Variants in JPH1 observed in about 807,000 individuals in gnomAD.
The protein encoded by JPH1 is junctophilin-1.
JPH1 carries 12 observed loss-of-function variants against 53.6 expected under a neutral mutation model. That is an observed-to-expected ratio of 0.22 (90% CI 0.14 to 0.36). The LOEUF (loss-of-function observed/expected upper bound fraction) is 0.36. Ranked by LOEUF, JPH1 falls within the 10% of genes least tolerant of loss-of-function variation. The probability of loss-of-function intolerance (pLI) is 1.00; values close to 1 mark genes in which losing one functional copy is unlikely to be tolerated. For missense variants in JPH1, 808 were observed against 905.5 expected (o/e 0.89, Z 1.38); for synonymous variants, 375 against 363.8 (o/e 1.03, Z -0.35).
chr8:74,315,446 C>A lies in JPH1; in HGVS notation c.554G>T (p.Ser185Ile). ...VLHDAAAAAD[S>I]PAGTRGGFVL... ...GAAACCGCCGCGGGTGCCGGCCGGG[C>A]TGTCGGCGGCGGCTGCGGCGTCGTG... is the stretch of plus-strand genomic sequence containing the variant. The change falls in exon 2 of 6, where the codon AGC becomes ATC. Residue 185 changes from serine to isoleucine, a missense_variant. Coordinates refer to ENST00000342232, the MANE Select transcript of JPH1 (RefSeq NM_020647.4). This position sits in a 1 kb window ranked among gnomAD's most constrained non-coding sequence, Gnocchi z 6.3. 6.2e-7 allele frequency: 1 copy of A among 1,609,628 alleles called. No homozygotes were observed. Among genetic ancestry groups the A allele is most frequent in the Non-Finnish European group, 8.5e-7 (1 of 1,178,508 alleles).
At chr8:74,301,110 T>C (rs16938859) in intron 2 of JPH1, among the ~76,000 whole-genome samples, 53,245 of 151,766 alleles carry the variant, frequency 0.35, 9,490 homozygotes, top group East Asian at 0.43. Flanking sequence ...AACCCACTAC[T>C]TGCAGTCCAT....
At chr8:74,313,795 T>A (rs199652180) in intron 2 of JPH1, among the ~76,000 whole-genome samples, 2 of 152,244 alleles carry the variant, frequency 1.3e-5, no homozygotes, top group African/African-American at 4.8e-5. Context: ...TAATATTCTA[T>A]GCTACATTTA....
intron 2 of JPH1, among the ~76,000 whole-genome samples, chr8:74,288,274 C>T (rs1450920620): frequency 6.6e-6 from 1 of 152,202 alleles, no homozygotes; most frequent in Non-Finnish European, 1.5e-5. Flanking sequence ...CCTCTGCCAC[C>T]CTCTGCAGCA....
chr8:74,269,261 T>C (rs987547037), intron 2 of JPH1, among the ~76,000 whole-genome samples: 3 of 152,210 alleles, frequency 2.0e-5, no homozygotes, highest in African/African-American at 4.8e-5. Flanking sequence ...CCCAAAACCA[T>C]TGCGCATCTT....
chr8:74,274,872 G>C (rs1388933082), intron 2 of JPH1, among the ~76,000 whole-genome samples: 2 of 152,128 alleles, frequency 1.3e-5, no homozygotes, highest in Admixed American at 6.5e-5. Flanking sequence ...TCTTCACTTT[G>C]CTGGCAGTGG....
At chr8:74,250,047 C>T (rs1178265418) in intron 3 of JPH1, among the ~76,000 whole-genome samples, 3 of 152,166 alleles carry the variant, frequency 2.0e-5, no homozygotes, top group Non-Finnish European at 4.4e-5. Context: ...TCATGCTCAG[C>T]CCCTGCCTCC....
intron 2 of JPH1, among the ~76,000 whole-genome samples, chr8:74,306,604 C>CTTTTTTTT: frequency 6.8e-6 from 1 of 147,372 alleles, no homozygotes; most frequent in Non-Finnish European, 1.5e-5. Flanking sequence ...TCTACACTAA[C>CTTTTTTTT]TTTTTTTTTT....
At chr8:74,302,550 T>C (rs1253140647) in intron 2 of JPH1, among the ~76,000 whole-genome samples, 1 of 152,226 alleles carries the variant, frequency 6.6e-6, no homozygotes, top group Non-Finnish European at 1.5e-5. Flanking sequence ...TTTTATTTCT[T>C]AATGCAGTCC....
intron 2 of JPH1, among the ~76,000 whole-genome samples, chr8:74,270,604 A>G (rs1386814484): frequency 6.6e-6 from 1 of 152,230 alleles, no homozygotes; most frequent in Non-Finnish European, 1.5e-5. Flanking sequence ...AGATGAATGC[A>G]TGTACATCAA....
intron 3 of JPH1, among the ~76,000 whole-genome samples, chr8:74,249,935 C>T (rs1229813138): frequency 1.3e-5 from 2 of 152,178 alleles, no homozygotes. Context: ...GAAGACAAAG[C>T]TCGTTGGGGA....
chr8:74,285,395 T>G (rs761080948), intron 2 of JPH1, among the ~76,000 whole-genome samples: 2 of 152,088 alleles, frequency 1.3e-5, no homozygotes, highest in Admixed American at 1.3e-4. Flanking sequence ...ACTTCTAGAA[T>G]GAGGAAGCTC....
intron 2 of JPH1, among the ~76,000 whole-genome samples, chr8:74,305,927 C>T (rs566016666): frequency 4.1e-4 from 62 of 152,232 alleles, no homozygotes; most frequent in African/African-American, 1.4e-3. Flanking sequence ...TTGTTAGTCA[C>T]GAAAACACAT....
chr8:74,294,965 C>T (rs530841027), intron 2 of JPH1, among the ~76,000 whole-genome samples: 3 of 152,350 alleles, frequency 2.0e-5, no homozygotes, highest in African/African-American at 7.2e-5. Context: ...AGGGTCTAAA[C>T]GACTGTCTGG....
chr8:74,274,132 A>G (rs1806782625), intron 2 of JPH1, among the ~76,000 whole-genome samples: 2 of 152,132 alleles, frequency 1.3e-5, no homozygotes, highest in African/African-American at 4.8e-5. Context: ...CTGGCTCTGA[A>G]TCAAGCTGTG....
At position 74,320,689 on chromosome 8, in the gene JPH1, C is replaced by A. The variant is rs564129431; in HGVS notation, c.379+220G>T. On this transcript the variant is annotated intron_variant, in intron 1 of 5. Coordinates refer to ENST00000342232, the MANE Select transcript of JPH1 (RefSeq NM_020647.4). The surrounding 1 kb of genome is among the most constrained non-coding windows in gnomAD (Gnocchi z 4.4). ...CTCCCCTGAGTGTGGATACACGGCC[C>A]GCTCCAAGAACGGGGTCAGATCCAG... is the stretch of plus-strand genomic sequence containing the variant. Among the ~76,000 whole-genome samples, 1 of 152,292 alleles carries A rather than the reference C, an allele frequency of 6.6e-6. No homozygotes were observed. The highest frequency in any genetic ancestry group is 2.1e-4 in the South Asian group (1 of 4,828).
rs370509734 is a variant in JPH1 at position 74,264,483 on chromosome 8, AACT to A, written c.1140-4983_1140-4981del. On this transcript the variant is annotated intron_variant, in intron 2 of 5. Transcript: ENST00000342232. ...TCAAGTTATTTAGATATAAAATGTA[AACT>A]ATTATGTTATTTAGTTATTTCTAAA... 1.0e-3 allele frequency among the ~76,000 whole-genome samples: 159 copies of A among 152,324 alleles called. 1 individual carries two copies. The highest frequency in any genetic ancestry group is 3.7e-3 in the African/African-American group (154 of 41,584).
intron 3 of JPH1, among the ~76,000 whole-genome samples, chr8:74,245,975 A>G (rs115460328): frequency 0.014 from 2,166 of 151,924 alleles, 56 homozygotes; most frequent in African/African-American, 0.048. Flanking sequence ...TGAGCTATAA[A>G]GAAACAGAGT....
chr8:74,309,217 C>A (rs75775302), intron 2 of JPH1, among the ~76,000 whole-genome samples: 1,817 of 152,282 alleles, frequency 0.012, 42 homozygotes, highest in African/African-American at 0.042. Context: ...GGGGAGCCTG[C>A]CCAGCTGTGT....
intron 2 of JPH1, among the ~76,000 whole-genome samples, chr8:74,280,022 C>G (rs1249104310): frequency 6.6e-6 from 1 of 152,084 alleles, no homozygotes; most frequent in Non-Finnish European, 1.5e-5. Context: ...ATAGAGGTAT[C>G]AGATTCAACA....
Sources: gnomAD v4.1 joint callset for allele counts (sites outside exome capture counted in the v4.1 genomes callset) on GRCh38, gnomAD v4.1.1 for gene constraint, Gnocchi (gnomAD v3.1) non-coding constraint, MANE v1.5 for transcripts, NCBI Gene and HGNC (gene_info 2026-07-23, HGNC 2026-07-21) for gene names.